Variants in PCDH9 observed in about 807,000 individuals in gnomAD.
PCDH9 encodes the protein protocadherin-9.
In PCDH9, 24 loss-of-function variants were observed where a neutral mutation model predicts 70.6. The observed-to-expected ratio is 0.34, with a 90% CI of 0.25 to 0.48. The LOEUF (loss-of-function observed/expected upper bound fraction) is 0.48. Ranked by LOEUF, PCDH9 falls within the 20% of genes least tolerant of loss-of-function variation. PCDH9 has a pLI of 0.99. For missense variants in PCDH9, 1,281 were observed against 1,503.6 expected (o/e 0.85, Z 2.45); for synonymous variants, 562 against 558.5 (o/e 1.01, Z -0.09).
At chr13:67,016,093 T>A (rs2084555057) in intron 2 of PCDH9, among the ~76,000 whole-genome samples, 1 of 152,200 alleles carries the variant, frequency 6.6e-6, no homozygotes, top group African/African-American at 2.4e-5. Context: ...CATGCTTTAG[T>A]GTACCTTTAG....
At chr13:66,652,170 A>C (rs569781155) in intron 3 of PCDH9, among the ~76,000 whole-genome samples, 1 of 152,236 alleles carries the variant, frequency 6.6e-6, no homozygotes, top group East Asian at 1.9e-4. Context: ...ACACAAGAGA[A>C]ATAAATAAAG....
chr13:66,394,940 A>C (rs1201174582), intron 4 of PCDH9, among the ~76,000 whole-genome samples: 1 of 152,192 alleles, frequency 6.6e-6, no homozygotes, highest in African/African-American at 2.4e-5. Context: ...ATAAGATGGG[A>C]GTATATATAT....
At chr13:67,021,926 GTA>G (rs888162154) in intron 2 of PCDH9, among the ~76,000 whole-genome samples, 1 of 151,670 alleles carries the variant, frequency 6.6e-6, no homozygotes, top group African/African-American at 2.4e-5. Flanking sequence ...GTATGTAGGT[GTA>G]TATATAAGTA....
In PCDH9 at chr13:66,465,677, TCA is replaced by T. The variant is rs1201099590; in HGVS notation, c.3341-160651_3341-160650del. Among the ~76,000 whole-genome samples the T allele has an allele frequency of 6.6e-5, 10 of 152,030 alleles. No individual in the cohort carries two copies. In the East Asian group the frequency reaches 1.9e-3, roughly 29 times the overall value. On this transcript the variant is annotated intron_variant, in intron 4 of 4. Coordinates refer to ENST00000377865, the MANE Select transcript of PCDH9 (RefSeq NM_203487.3). ...GAAATATTGTTTATGTCATTATGCCTCAGTTTTCTCATTTTTGAAATTATTAT... is the reference window on the plus strand; with the variant it reads ...GAAATATTGTTTATGTCATTATGCCTGTTTTCTCATTTTTGAAATTATTAT...
intron 2 of PCDH9, among the ~76,000 whole-genome samples, chr13:66,926,290 T>A (rs1341951706): frequency 6.6e-6 from 1 of 152,010 alleles, no homozygotes. Flanking sequence ...TACCTCACAG[T>A]ATCTTGTAGT....
chr13:66,695,141 G>C (rs1425095063), intron 3 of PCDH9, among the ~76,000 whole-genome samples: 1 of 151,976 alleles, frequency 6.6e-6, no homozygotes, highest in Admixed American at 6.6e-5. Flanking sequence ...ATGACCTCGT[G>C]ATCCTCCCGC....
chr13:66,449,563 G>A (rs1412317981), intron 4 of PCDH9, among the ~76,000 whole-genome samples: 4 of 151,972 alleles, frequency 2.6e-5, no homozygotes, highest in African/African-American at 9.7e-5. Flanking sequence ...ATGCTGTTAC[G>A]CCCACCTCAC....
At chr13:66,814,956 A>G (rs1157877315) in intron 3 of PCDH9, among the ~76,000 whole-genome samples, 1 of 152,176 alleles carries the variant, frequency 6.6e-6, no homozygotes, top group Non-Finnish European at 1.5e-5. Flanking sequence ...AGAAACTACG[A>G]ACAGAGTAGA....
At chr13:66,391,883 C>CGCAT (rs71205584) in intron 4 of PCDH9, among the ~76,000 whole-genome samples, 1 of 143,258 alleles carries the variant, frequency 7.0e-6, no homozygotes, top group Non-Finnish European at 1.5e-5. Flanking sequence ...GCCATATATG[C>CGCAT]ATATATATAT....
chr13:66,348,071 C>G (rs761615560), intron 4 of PCDH9, among the ~76,000 whole-genome samples: 4 of 152,166 alleles, frequency 2.6e-5, no homozygotes, highest in Non-Finnish European at 5.9e-5. Context: ...TTTTCTTTAT[C>G]TCTTCTTCAC....
chr13:66,719,478 A>G (rs1218742798), intron 3 of PCDH9, among the ~76,000 whole-genome samples: 1 of 152,156 alleles, frequency 6.6e-6, no homozygotes, highest in African/African-American at 2.4e-5. Context: ...ACTCAGTAAC[A>G]AGGTACACTC....
At chr13:66,958,687 CATGAA>C (rs773508880) in intron 2 of PCDH9, among the ~76,000 whole-genome samples, 27 of 151,844 alleles carry the variant, frequency 1.8e-4, no homozygotes, top group Admixed American at 1.4e-3. Flanking sequence ...TTATTTTTTT[CATGAA>C]ATGAGCTAGA....
intron 4 of PCDH9, among the ~76,000 whole-genome samples, chr13:66,508,802 T>C (rs1329642029): frequency 1.3e-5 from 2 of 152,324 alleles, no homozygotes; most frequent in Non-Finnish European, 1.5e-5. Context: ...AAAATATGTT[T>C]AGGTTTGCAA....
At chr13:66,859,991 T>C (rs773798845) in intron 3 of PCDH9, among the ~76,000 whole-genome samples, 5 of 152,188 alleles carry the variant, frequency 3.3e-5, no homozygotes. Context: ...AGGTCGTTAG[T>C]CAGTCTGTTG....
intron 4 of PCDH9, among the ~76,000 whole-genome samples, chr13:66,571,335 A>G (rs774642288): frequency 1.3e-5 from 2 of 152,052 alleles, no homozygotes; most frequent in Non-Finnish European, 2.9e-5. Context: ...GAGTAACAAA[A>G]TACCTGTAAT....
At chr13:66,938,356 C>A (rs1262365669) in intron 2 of PCDH9, among the ~76,000 whole-genome samples, 1 of 152,008 alleles carries the variant, frequency 6.6e-6, no homozygotes, top group African/African-American at 2.4e-5. Context: ...AAAAAAGAGC[C>A]ACAGAATTAG....
At chr13:67,027,010 A>G (rs901536684) in intron 2 of PCDH9, among the ~76,000 whole-genome samples, 34 of 152,206 alleles carry the variant, frequency 2.2e-4, no homozygotes, top group Non-Finnish European at 4.7e-4. Context: ...TATAGAGTCA[A>G]TGCCATCCCC....
chr13:66,779,173 G>A (rs2079949092), intron 3 of PCDH9, among the ~76,000 whole-genome samples: 1 of 149,310 alleles, frequency 6.7e-6, no homozygotes, highest in African/African-American at 2.5e-5. Flanking sequence ...TAATTCTGCA[G>A]TTCAGTGGCT....
chr13:67,175,167 T>A (rs941761618), intron 2 of PCDH9, among the ~76,000 whole-genome samples: 3 of 151,934 alleles, frequency 2.0e-5, no homozygotes, highest in Non-Finnish European at 2.9e-5. Flanking sequence ...TTTTTAAGGA[T>A]CCTCTCCAAG....
Sources: gnomAD v4.1 joint callset for allele counts (sites outside exome capture counted in the v4.1 genomes callset) on GRCh38, gnomAD v4.1.1 for gene constraint, MANE v1.5 for transcripts, NCBI Gene and HGNC (gene_info 2026-07-23, HGNC 2026-07-21) for gene names.